Variants in SPTBN2 observed in about 807,000 individuals in gnomAD.
SPTBN2 encodes spectrin beta chain, non-erythrocytic 2.
Under a neutral mutation model 284.2 loss-of-function variants are expected in SPTBN2, and 107 were observed. The observed-to-expected ratio is 0.38, with a 90% confidence interval of 0.32 to 0.44. The LOEUF (loss-of-function observed/expected upper bound fraction) is 0.44. Ranked by LOEUF, SPTBN2 falls within the 20% of genes least tolerant of loss-of-function variation. The pLI, the probability that SPTBN2 is intolerant of heterozygous loss-of-function variation, is 1.00. For synonymous variants in SPTBN2, 1,289 were observed against 1,354.8 expected (o/e 0.95, Z 1.07); for missense variants, 2,569 against 3,287.1 (o/e 0.78, Z 5.34).
At position 66,710,662 on chromosome 11, in the gene SPTBN2, C is replaced by T; in HGVS notation, c.993G>A (p.Arg331=). 1 of 1,614,160 alleles carries T rather than the reference C, an allele frequency of 6.2e-7. No individual in the cohort carries two copies. Among genetic ancestry groups the T allele is most frequent in the African/African-American group, 1.3e-5 (1 of 75,054 alleles). Residue 331 remains arginine (R), a synonymous_variant, in exon 10 of 38, where the codon CGG becomes CGA. Coordinates refer to ENST00000533211, the MANE Select transcript of SPTBN2 (RefSeq NM_006946.4). This position sits in a 1 kb window ranked among gnomAD's most constrained non-coding sequence, Gnocchi z 4.9. Reference sequence around the variant, plus strand: ...CCCCGCTAAGGGAGTTGGCCAACTGCCGGTCATTGAGGGTCACGATCGTTT... The same window carrying T: ...CCCCGCTAAGGGAGTTGGCCAACTGTCGGTCATTGAGGGTCACGATCGTTT... ...IEQTIVTLND[R]QLANSLSGVQ...
At chr11:66,695,009 T>C (rs764954715) in intron 21 of SPTBN2, among the ~76,000 whole-genome samples, 1 of 152,198 alleles carries the variant, frequency 6.6e-6, no homozygotes, top group Non-Finnish European at 1.5e-5. Context: ...TGGCCAGCCT[T>C]GGCTTGCTGG....
At position 66,718,762 on chromosome 11, in the gene SPTBN2, GC is replaced by G. The variant is rs1248097567; in HGVS notation, c.157+2321del. Among the ~76,000 whole-genome samples the G allele has an allele frequency of 6.6e-6, 1 of 152,246 alleles. No homozygotes were observed. The highest frequency in any genetic ancestry group is 2.4e-5 in the African/African-American group (1 of 41,474). ...AGAATGGTGGGAATTTCAAGGAGTG[GC>G]AAAAAGAGTTACGGGGTGTCCCGAA... On this transcript the variant is annotated intron_variant, in intron 3 of 37. Coordinates refer to ENST00000533211, the MANE Select transcript of SPTBN2 (RefSeq NM_006946.4). This position sits in a 1 kb window ranked among gnomAD's most constrained non-coding sequence, Gnocchi z 4.8.
chr11:66,729,571 T>C (rs900839982), upstream of SPTBN2, among the ~76,000 whole-genome samples: 4 of 152,164 alleles, frequency 2.6e-5, no homozygotes, highest in African/African-American at 9.7e-5. Context: ...CTGAAACAAA[T>C]ATGTGCAATT....
chr11:66,691,798 G>T lies in SPTBN2; in HGVS notation c.5191-140C>A. On this transcript the variant is annotated intron_variant, in intron 26 of 37. Coordinates refer to ENST00000533211, the MANE Select transcript of SPTBN2 (RefSeq NM_006946.4). The surrounding 1 kb of genome is among the most constrained non-coding windows in gnomAD (Gnocchi z 8.0). ...GGGCCGGGACAGGTTTCTTCCCTGT[G>T]GTTAAGGAGTAGGTGCAGCTGCTTC... 7.9e-7 allele frequency: 1 copy of T among 1,269,936 alleles called. No individual in the cohort carries two copies. Among genetic ancestry groups the T allele is most frequent in the Non-Finnish European group, 1.1e-6 (1 of 901,470 alleles). The allele number at this position is 1,269,936 out of a possible 1,614,324, so 78.7% of individuals were successfully genotyped here.
chr11:66,699,070 A>G lies in SPTBN2; in HGVS notation c.3789T>C (p.Asn1263=). The change falls in exon 19 of 38, where the codon AAT becomes AAC. Residue 1263 remains asparagine (N), a synonymous_variant. Transcript: ENST00000533211. ...ADSIERRHKK[N]QDAAQQFLGR... The stretch of plus-strand genomic sequence containing the variant: ...CCAGAAATTGCTGCGCTGCGTCTTG[A>G]TTCTTCTTGTGCCTGGAACGACACC... 6.2e-7 allele frequency: 1 copy of G among 1,614,128 alleles called. No homozygotes were observed. Among genetic ancestry groups the G allele is most frequent in the Non-Finnish European group, 8.5e-7 (1 of 1,180,030 alleles).
Position 66,700,730 on chromosome 11 carries a change from C to T in SPTBN2, c.3369G>A (p.Arg1123=). Residue 1123 remains arginine (R), a synonymous_variant, in exon 17 of 38, where the codon CGG becomes CGA. Coordinates refer to ENST00000533211, the MANE Select transcript of SPTBN2 (RefSeq NM_006946.4). This position sits in a 1 kb window ranked among gnomAD's most constrained non-coding sequence, Gnocchi z 6.6. ...TCACCTCCTCGCCCAGGGCTCGCAG[C>T]CGGCTATACTCGCTCTGGGCCCGCT... The part of the protein sequence containing the change: ...EVERAQSEYS[R]LRALGEEVTR... 1.2e-6 allele frequency: 2 copies of T among 1,603,586 alleles called. No homozygotes were observed. The highest frequency in any genetic ancestry group is 1.7e-6 in the Non-Finnish European group (2 of 1,179,804).
intron 21 of SPTBN2, among the ~76,000 whole-genome samples, chr11:66,694,705 T>G (rs1405746752): frequency 6.6e-6 from 1 of 152,238 alleles, no homozygotes; most frequent in Non-Finnish European, 1.5e-5. Context: ...CAGGGTAGTG[T>G]GATAACTGTG....
chr11:66,727,645 C>T (rs1942669067), intron 1 of SPTBN2, among the ~76,000 whole-genome samples: 1 of 152,170 alleles, frequency 6.6e-6, no homozygotes, highest in African/African-American at 2.4e-5. Context: ...CACAGCCAAC[C>T]GCGTGCCCCT....
chr11:66,730,857 C>T (rs773327724), upstream of SPTBN2, among the ~76,000 whole-genome samples: 7 of 152,118 alleles, frequency 4.6e-5, no homozygotes, highest in Non-Finnish European at 2.9e-5. Context: ...GTTCAGACAC[C>T]TAAGTGAATG....
At chr11:66,702,655 C>T (rs1941309215) in intron 15 of SPTBN2, among the ~76,000 whole-genome samples, 1 of 151,968 alleles carries the variant, frequency 6.6e-6, no homozygotes, top group South Asian at 2.1e-4. Context: ...ACTTTATTTA[C>T]AGACCGGGCA....
Position 66,689,945 on chromosome 11 carries a change from TG to T in SPTBN2, c.5811-3del, listed in dbSNP as rs1363193608. Reference sequence around the variant, plus strand: ...ACTAGATCCGCGGAGGACACATCCCTGGGGGGAGGCAGAAACAGCATCACCT... The same window carrying T: ...ACTAGATCCGCGGAGGACACATCCCTGGGGGAGGCAGAAACAGCATCACCT... On this transcript the variant is annotated splice_region_variant and splice_polypyrimidine_tract_variant and intron_variant, in intron 28 of 37. Transcript: ENST00000533211. 1 of 1,613,638 alleles carries T rather than the reference TG, an allele frequency of 6.2e-7. No individual in the cohort carries two copies. The highest frequency in any genetic ancestry group is 8.5e-7 in the Non-Finnish European group (1 of 1,179,866).
chr11:66,704,947 G>A lies in SPTBN2; in HGVS notation c.2329C>T (p.His777Tyr). Residue 777 changes from histidine (H) to tyrosine (Y), a missense_variant, in exon 15 of 38, where the codon CAC becomes TAC. His to Tyr is a moderately conservative substitution (Grantham distance 83). Transcript: ENST00000533211. ...AGAGCCTGCGTGGAGAACTCGTCGTGCCCCAGCTCGGGGCTGGACACCAGG... is the reference window on the plus strand; with the variant it reads ...AGAGCCTGCGTGGAGAACTCGTCGTACCCCAGCTCGGGGCTGGACACCAGG... The part of the protein sequence containing the change: ...LRLVSSPELG[H>Y]DEFSTQALAR... 6.2e-7 allele frequency: 1 copy of A among 1,610,410 alleles called. No homozygotes were observed. The highest frequency in any genetic ancestry group is 8.5e-7 in the Non-Finnish European group (1 of 1,179,876).
rs1302911436 is a variant in SPTBN2 at position 66,682,877 on chromosome 11, C to T, written c.*2994G>A. Among the ~76,000 whole-genome samples the T allele has an allele frequency of 1.3e-5, 2 of 151,972 alleles. No homozygotes were observed. The highest frequency in any genetic ancestry group is 1.3e-4 in the Admixed American group (2 of 15,254). On this transcript the variant is annotated 3_prime_UTR_variant, in exon 38 of 38. Coordinates refer to ENST00000533211, the MANE Select transcript of SPTBN2 (RefSeq NM_006946.4). ...TCCCAGGTTCAAGCAATGCTCCTGC[C>T]TCAGCCTCCCAAGTAGCTGAGACTA...
At chr11:66,697,577 T>C (rs1361735770) in intron 20 of SPTBN2, among the ~76,000 whole-genome samples, 1 of 152,196 alleles carries the variant, frequency 6.6e-6, no homozygotes, top group Non-Finnish European at 1.5e-5. Flanking sequence ...TGGTTTTCTC[T>C]ACCTGGAAAC....
chr11:66,730,494 C>T (rs1234298536), upstream of SPTBN2, among the ~76,000 whole-genome samples: 2 of 151,594 alleles, frequency 1.3e-5, no homozygotes, highest in African/African-American at 4.9e-5. Flanking sequence ...GCAGGAGAAT[C>T]GCTTGAACCC....
chr11:66,686,012 GCTGGGCACCAC>G lies in SPTBN2; in HGVS notation c.7021_7031del (p.Val2341HisfsTer20). On this transcript the variant is annotated frameshift_variant, in exon 38 of 38. Transcript: ENST00000533211. LOFTEE classifies it high-confidence loss of function. ...TGGCCCGGGTCATGCCCCGGGTGGT[GCTGGGCACCAC>G]CGGCTCTTCAGGCTCTCCAGAGGCA... 1 of 1,613,692 alleles carries G rather than the reference GCTGGGCACCAC, an allele frequency of 6.2e-7. No individual in the cohort carries two copies. The highest frequency in any genetic ancestry group is 8.5e-7 in the Non-Finnish European group (1 of 1,180,004).
chr11:66,706,602 A>T (rs977933720), intron 13 of SPTBN2, among the ~76,000 whole-genome samples: 2 of 147,374 alleles, frequency 1.4e-5, no homozygotes, highest in African/African-American at 5.0e-5. Context: ...AAGTCTTAGG[A>T]TTATAGGCGT....
Position 66,688,697 on chromosome 11 carries a change from C to T in SPTBN2, c.6187G>A (p.Val2063Met). 6.2e-7 allele frequency: 1 copy of T among 1,614,022 alleles called. No homozygotes were observed. The highest frequency in any genetic ancestry group is 1.3e-5 in the African/African-American group (1 of 75,060). The change falls in exon 31 of 38, where the codon GTG becomes ATG. Residue 2063 changes from valine to methionine, a missense_variant. This residue lies in a region of SPTBN2 where 1,130 missense variants were observed against 1,317.3 expected (regional missense o/e 0.86). Transcript: ENST00000533211. The stretch of plus-strand genomic sequence containing the variant: ...GCACAGAATCGCTCCTCCCAGGCCA[C>T]TGCTGACTTCTGGAAGGCCTCGTGC... ...KRHEAFQKSA[V>M]AWEERFCALE...
chr11:66,725,768 G>C lies in SPTBN2; in HGVS notation c.-114+2973C>G, dbSNP rs540489799. On this transcript the variant is annotated intron_variant, in intron 1 of 37. Transcript: ENST00000533211. ...GGGGTCCTGCTGGAATGTACTCCAG[G>C]CGCTGCTGGAGGCAGACTAGGCTCA... Among the ~76,000 whole-genome samples, 3 of 152,300 alleles carry C rather than the reference G, an allele frequency of 2.0e-5. No individual in the cohort carries two copies. In the East Asian group the frequency reaches 5.8e-4, roughly 29 times the overall value.
Sources: allele counts gnomAD v4.1 joint callset (sites outside exome capture counted in the v4.1 genomes callset), GRCh38; gene constraint gnomAD v4.1.1; regional missense constraint gnomAD v4.1.1; non-coding constraint Gnocchi (gnomAD v3.1); transcripts MANE v1.5; gene names NCBI Gene and HGNC (gene_info 2026-07-23, HGNC 2026-07-21).